Variants in ATRN observed in about 807,000 individuals in gnomAD.
ATRN encodes the protein attractin.
A neutral mutation model predicts 178.7 loss-of-function variants in ATRN; 54 were observed. The observed-to-expected ratio is 0.30, with a 90% CI of 0.24 to 0.38. The LOEUF is 0.38. Among genes scored for constraint, ATRN ranks in the 10% least tolerant of loss-of-function variants. ATRN has a pLI of 1.00. For synonymous variants in ATRN, 636 were observed against 663.0 expected (o/e 0.96, Z 0.63); for missense variants, 1,443 against 1,815.1 (o/e 0.79, Z 3.73).
At chr20:3,498,207 A>G (rs1004775779) in intron 1 of ATRN, among the ~76,000 whole-genome samples, 2 of 152,170 alleles carry the variant, frequency 1.3e-5, no homozygotes, top group African/African-American at 4.8e-5. Context: ...ACCAACCAAA[A>G]AGAGTCCAGG....
intron 1 of ATRN, among the ~76,000 whole-genome samples, chr20:3,498,190 A>G (rs2084907807): frequency 6.6e-6 from 1 of 152,214 alleles, no homozygotes; most frequent in African/African-American, 2.4e-5. Context: ...GCAATAATCA[A>G]TAGCTTACCA....
intron 1 of ATRN, among the ~76,000 whole-genome samples, chr20:3,516,153 G>A (rs561152052): frequency 1.3e-5 from 2 of 152,290 alleles, no homozygotes; most frequent in Non-Finnish European, 2.9e-5. Context: ...AGGGAAGAAG[G>A]TTTAGCAAAT....
intron 1 of ATRN, among the ~76,000 whole-genome samples, chr20:3,493,072 T>C (rs2084828382): frequency 6.8e-6 from 1 of 146,412 alleles, no homozygotes; most frequent in Non-Finnish European, 1.5e-5. Flanking sequence ...GATTATATAT[T>C]ATATATAATT....
intron 20 of ATRN, among the ~76,000 whole-genome samples, chr20:3,595,869 A>G (rs1196054189): frequency 2.0e-5 from 3 of 152,186 alleles, no homozygotes; most frequent in Non-Finnish European, 4.4e-5. Flanking sequence ...TGTATGGGGA[A>G]ATTGTTTTCT....
At chr20:3,530,388 C>G (rs112749688) in intron 1 of ATRN, among the ~76,000 whole-genome samples, 3 of 150,484 alleles carry the variant, frequency 2.0e-5, no homozygotes. Context: ...CTCAGCCTCC[C>G]GAGTAGCTGG....
At chr20:3,629,970 G>A (rs897290937) in intron 25 of ATRN, among the ~76,000 whole-genome samples, 6 of 152,122 alleles carry the variant, frequency 3.9e-5, no homozygotes. Flanking sequence ...CATTACATAG[G>A]CATGATGGAT....
intron 1 of ATRN, among the ~76,000 whole-genome samples, chr20:3,511,357 A>G (rs1388610896): frequency 6.6e-6 from 1 of 152,146 alleles, no homozygotes; most frequent in Non-Finnish European, 1.5e-5. Flanking sequence ...AAAACAAATG[A>G]CTGGTATCAG....
chr20:3,576,462 T>G (rs2086210460), intron 13 of ATRN, among the ~76,000 whole-genome samples: 1 of 152,120 alleles, frequency 6.6e-6, no homozygotes, highest in Admixed American at 6.5e-5. Flanking sequence ...CTTTTTTTTT[T>G]GTCAGTCTCA....
chr20:3,576,888 C>G lies in ATRN; in HGVS notation c.2244C>G (p.Pro748=), dbSNP rs1228963699. The G allele has an allele frequency of 1.2e-6, 2 of 1,614,066 alleles. No individual in the cohort carries two copies. The highest frequency in any genetic ancestry group is 2.7e-5 in the African/African-American group (2 of 75,020). ...QISIFRYENC[P]KDNPMYYCNK... is the part of the protein sequence containing the mutation. ...CCATTTTTAGGTATGAGAATTGCCC[C>G]AAGGATAACCCCATGTACTACTGTA... The change falls in exon 14 of 29, where the codon CCC becomes CCG. Residue 748 remains proline (P), a synonymous_variant. Coordinates refer to ENST00000262919, the MANE Select transcript of ATRN (RefSeq NM_139321.3).
intron 25 of ATRN, among the ~76,000 whole-genome samples, chr20:3,624,976 G>A (rs1381171040): frequency 6.6e-6 from 1 of 152,112 alleles, no homozygotes; most frequent in Non-Finnish European, 1.5e-5. Context: ...AAGTTTTAAA[G>A]CTGAAAGTGA....
intron 1 of ATRN, among the ~76,000 whole-genome samples, chr20:3,474,932 T>C (rs238731): frequency 0.063 from 9,261 of 148,136 alleles, 306 homozygotes; most frequent in African/African-American, 0.077. Flanking sequence ...CTCGGGAGGC[T>C]GAGGCAGGAG....
intron 24 of ATRN, among the ~76,000 whole-genome samples, chr20:3,611,687 AGCTGAGATTGT>A (rs1242075141): frequency 2.6e-5 from 4 of 152,268 alleles, no homozygotes; most frequent in South Asian, 2.1e-4. Flanking sequence ...GGTTACAGTG[AGCTGAGATTGT>A]GCTACTGCAC....
At chr20:3,492,681 C>T (rs772917928) in intron 1 of ATRN, among the ~76,000 whole-genome samples, 2 of 151,950 alleles carry the variant, frequency 1.3e-5, no homozygotes, top group East Asian at 1.9e-4. Context: ...CTCATACCAA[C>T]GTTTTGCGCA....
At chr20:3,483,599 G>T (rs569150392) in intron 1 of ATRN, among the ~76,000 whole-genome samples, 1 of 152,068 alleles carries the variant, frequency 6.6e-6, no homozygotes, top group East Asian at 1.9e-4. Context: ...TGCCTGCCTG[G>T]GGCTCTCAGA....
chr20:3,640,083 T>C (rs2087056075), intron 27 of ATRN, among the ~76,000 whole-genome samples: 1 of 152,120 alleles, frequency 6.6e-6, no homozygotes. Flanking sequence ...ATCTAAAGAA[T>C]ATAATATAAC....
intron 1 of ATRN, among the ~76,000 whole-genome samples, chr20:3,480,976 G>A (rs1424765191): frequency 6.6e-6 from 1 of 152,122 alleles, no homozygotes; most frequent in Non-Finnish European, 1.5e-5. Flanking sequence ...CTTGTGTCTG[G>A]AAATTGGCCA....
intron 24 of ATRN, among the ~76,000 whole-genome samples, chr20:3,614,553 G>A (rs1192618462): frequency 6.6e-6 from 1 of 152,160 alleles, no homozygotes; most frequent in Non-Finnish European, 1.5e-5. Context: ...TCTGTTTATG[G>A]GTGCTAACAG....
At chr20:3,538,779 A>G (rs1464170956) in intron 2 of ATRN, among the ~76,000 whole-genome samples, 1 of 152,076 alleles carries the variant, frequency 6.6e-6, no homozygotes, top group Non-Finnish European at 1.5e-5. Context: ...AATAGCCTTG[A>G]AATTGGCCTC....
At position 3,598,006 on chromosome 20, in the gene ATRN, AT is replaced by A; in HGVS notation, c.3564+12del. 1.3e-6 allele frequency: 2 copies of A among 1,580,878 alleles called. No individual in the cohort carries two copies. Among genetic ancestry groups the A allele is most frequent in the Non-Finnish European group, 1.7e-6 (2 of 1,150,890 alleles). ...TTGTGGCTACTCCTGACGAAGTAAG[AT>A]TTTTTAAAGTCTTCCTATTTTGTTT... On this transcript the variant is annotated splice_region_variant and intron_variant, in intron 22 of 28. Transcript: ENST00000262919.
Sources: gnomAD v4.1 joint callset for allele counts (sites outside exome capture counted in the v4.1 genomes callset) on GRCh38, gnomAD v4.1.1 for gene constraint, MANE v1.5 for transcripts, NCBI Gene and HGNC (gene_info 2026-07-23, HGNC 2026-07-21) for gene names.